KCNT2: variants seen among roughly 807,000 people sequenced by gnomAD.
KCNT2 encodes potassium sodium-activated channel subfamily T member 2, also known as potassium channel subfamily T member 2.
Under a neutral mutation model 153.8 loss-of-function variants are expected in KCNT2, and 67 were observed. The ratio of observed to expected loss-of-function variants is 0.44; its 90% CI spans 0.36 to 0.53. KCNT2 has a LOEUF of 0.53. Ranked by LOEUF, KCNT2 falls within the 20% of genes least tolerant of loss-of-function variation. KCNT2 has a pLI of 0.00. For missense variants in KCNT2, 975 were observed against 1,354.8 expected, an observed-to-expected ratio of 0.72 and a Z score of 4.40; for synonymous variants, 500 against 458.8, an observed-to-expected ratio of 1.09 and a Z score of -1.15.
At chr1:196,530,661 T>C (rs1654816852) in intron 1 of KCNT2, among the ~76,000 whole-genome samples, 1 of 152,110 alleles carries the variant, frequency 6.6e-6, no homozygotes, top group Non-Finnish European at 1.5e-5. Context: ...TTGTCACTAA[T>C]CAGTATTTTC....
chr1:196,229,457 A>G (rs966731231), intron 27 of KCNT2, among the ~76,000 whole-genome samples: 1 of 151,972 alleles, frequency 6.6e-6, no homozygotes, highest in African/African-American at 2.4e-5. Flanking sequence ...CTCCTCCACC[A>G]TCTGTATTCC....
At chr1:196,262,498 T>C (rs913162086) in intron 25 of KCNT2, among the ~76,000 whole-genome samples, 2 of 151,992 alleles carry the variant, frequency 1.3e-5, no homozygotes, top group Non-Finnish European at 2.9e-5. Context: ...TCTCAAAGAA[T>C]CCTTATCTGA....
intron 1 of KCNT2, among the ~76,000 whole-genome samples, chr1:196,533,041 A>G (rs1655145068): frequency 6.6e-6 from 1 of 152,088 alleles, no homozygotes; most frequent in Non-Finnish European, 1.5e-5. Flanking sequence ...ATCTGGCCAA[A>G]TCTAATTTTA....
At chr1:196,333,792 T>C in intron 17 of KCNT2, 55 bp downstream of exon 17, 5 of 1,048,232 alleles carry the variant, frequency 4.8e-6, no homozygotes, top group Non-Finnish European at 7.3e-6. Context: ...AGAAAATACT[T>C]AAGGACATTA....
chr1:196,321,706 G>T (rs1249003016), intron 19 of KCNT2, among the ~76,000 whole-genome samples: 2 of 151,768 alleles, frequency 1.3e-5, no homozygotes, highest in African/African-American at 4.8e-5. Flanking sequence ...GGATATCTAA[G>T]GTAAGTGGTC....
At chr1:196,311,181 A>C (rs1296698104) in intron 21 of KCNT2, among the ~76,000 whole-genome samples, 1 of 151,784 alleles carries the variant, frequency 6.6e-6, no homozygotes, top group East Asian at 1.9e-4. Flanking sequence ...CCACAGTTAT[A>C]ATTCTCTAAT....
At chr1:196,352,363 A>G (rs1666789204) in intron 14 of KCNT2, among the ~76,000 whole-genome samples, 1 of 151,892 alleles carries the variant, frequency 6.6e-6, no homozygotes, top group African/African-American at 2.4e-5. Context: ...TAAGCTATTG[A>G]TTATTGCCAC....
At chr1:196,585,010 G>A (rs998857937) in intron 1 of KCNT2, among the ~76,000 whole-genome samples, 1 of 152,000 alleles carries the variant, frequency 6.6e-6, no homozygotes, top group African/African-American at 2.4e-5. Context: ...TCAGAACAAG[G>A]ACCATTCACA....
chr1:196,399,180 A>C (rs1447328710), intron 12 of KCNT2, among the ~76,000 whole-genome samples: 2 of 151,416 alleles, frequency 1.3e-5, no homozygotes, highest in East Asian at 3.9e-4. Flanking sequence ...AAAATACATC[A>C]AAAAAAGTTT....
chr1:196,234,726 A>G (rs760661637), intron 27 of KCNT2, among the ~76,000 whole-genome samples: 35 of 151,598 alleles, frequency 2.3e-4, no homozygotes, highest in Non-Finnish European at 4.4e-4. Context: ...AACCTCTTGC[A>G]TGGATCCATA....
chr1:196,600,403 C>T (rs1197047938), intron 1 of KCNT2, among the ~76,000 whole-genome samples: 1 of 152,192 alleles, frequency 6.6e-6, no homozygotes, highest in East Asian at 1.9e-4. Flanking sequence ...TGCAAAGGAA[C>T]CACAGCTCCT....
chr1:196,327,635 C>G (rs1664000189), intron 18 of KCNT2, among the ~76,000 whole-genome samples: 1 of 145,974 alleles, frequency 6.9e-6, no homozygotes. Flanking sequence ...AGTTAGTTGT[C>G]TGGAACATTT....
chr1:196,534,489 C>T (rs569516647), intron 1 of KCNT2, among the ~76,000 whole-genome samples: 135 of 152,170 alleles, frequency 8.9e-4, no homozygotes, highest in African/African-American at 2.6e-3. Flanking sequence ...AACAGAAATG[C>T]TTATGTCTTG....
At chr1:196,476,517 T>A (rs1188533706) in intron 5 of KCNT2, among the ~76,000 whole-genome samples, 2 of 152,142 alleles carry the variant, frequency 1.3e-5, no homozygotes, top group African/African-American at 4.8e-5. Flanking sequence ...TCATCTATAT[T>A]GCTTATTATT....
chr1:196,228,625 T>G (rs1242276842), intron 27 of KCNT2, among the ~76,000 whole-genome samples: 2 of 152,136 alleles, frequency 1.3e-5, no homozygotes, highest in African/African-American at 4.8e-5. Flanking sequence ...TCAGTCACCA[T>G]TATTTTTCAA....
At chr1:196,537,474 A>T (rs995973384) in intron 1 of KCNT2, among the ~76,000 whole-genome samples, 3 of 152,148 alleles carry the variant, frequency 2.0e-5, no homozygotes, top group East Asian at 1.9e-4. Context: ...CTGCACTATT[A>T]TCTACCAGTG....
intron 1 of KCNT2, among the ~76,000 whole-genome samples, chr1:196,594,459 C>T (rs754535201): frequency 2.0e-5 from 3 of 152,016 alleles, no homozygotes; most frequent in Non-Finnish European, 4.4e-5. Context: ...ATAGCTGTGA[C>T]ATATTTCTTT....
At chr1:196,276,201 A>T (rs139752053) in intron 25 of KCNT2, among the ~76,000 whole-genome samples, 6 of 152,126 alleles carry the variant, frequency 3.9e-5, no homozygotes, top group South Asian at 2.1e-4. Context: ...AAATAGTTCA[A>T]CATAATTTTT....
Position 196,282,458 on chromosome 1 carries a change from A to T in KCNT2, c.2698-102T>A, listed in dbSNP as rs1452148740. On this transcript the variant is annotated intron_variant, in intron 23 of 27. Coordinates refer to ENST00000294725, the MANE Select transcript of KCNT2 (RefSeq NM_198503.5). ...AGTGTGAACATCTGACTTCTAAAAG[A>T]TTATTTCTCATATCACATTTTTAAC... 1.6e-4 allele frequency: 90 copies of T among 571,842 alleles called. 2 individuals carry two copies. In the East Asian group the frequency reaches 2.6e-3, roughly 16 times the overall value. 35.4% of individuals were successfully genotyped at this position (571,842 alleles called of 1,614,324 possible).
Sources: gnomAD v4.1 joint callset for allele counts (sites outside exome capture counted in the v4.1 genomes callset) on GRCh38, gnomAD v4.1.1 for gene constraint, MANE v1.5 for transcripts, NCBI Gene and HGNC (gene_info 2026-07-23, HGNC 2026-07-21) for gene names.